Variants in LOXL2 observed in about 807,000 individuals in gnomAD.
LOXL2 encodes lysyl oxidase homolog 2.
LOXL2 carries 70 observed loss-of-function variants against 93.0 expected under a neutral mutation model. The observed-to-expected ratio is 0.75, with a 90% confidence interval of 0.62 to 0.92. LOXL2 has a LOEUF of 0.92. LOXL2 is among the 40% of genes least tolerant of loss of function. The pLI is 0.00. For synonymous variants in LOXL2, 438 were observed against 413.2 expected (o/e 1.06, Z -0.73); for missense variants, 973 against 1,054.9 (o/e 0.92, Z 1.08).
intron 1 of LOXL2, chr8:23,370,543 A>T (rs563703732): frequency 6.6e-6 from 1 of 152,280 alleles, no homozygotes; most frequent in Admixed American, 6.5e-5. Flanking sequence ...GTAAAATATT[A>T]AAAACATATG....
At position 23,333,519 on chromosome 8, in the gene LOXL2, A is replaced by G. The variant is rs761873882; in HGVS notation, c.848T>C (p.Leu283Pro). 12 of 1,613,916 alleles carry G rather than the reference A, an allele frequency of 7.4e-6. No individual in the cohort carries two copies. The highest frequency in any genetic ancestry group is 9.3e-6 in the Non-Finnish European group (11 of 1,180,040). Residue 283 changes from leucine to proline, a missense_variant, in exon 5 of 14, where the codon CTG (leucine) becomes CCG (proline). Transcript: ENST00000389131. Reference sequence around the variant, plus strand: ...GCAGGTGACATTCTTCATGGGGTCCAGTGACACCTGGGGGCCCAGCTTGCA... The same window carrying G: ...GCAGGTGACATTCTTCATGGGGTCCGGTGACACCTGGGGGCCCAGCTTGCA... ...SSCKLGPQVS[L>P]DPMKNVTCEN...
chr8:23,389,391 G>A (rs1325115169), intron 1 of LOXL2, among the ~76,000 whole-genome samples: 1 of 152,156 alleles, frequency 6.6e-6, no homozygotes, highest in Non-Finnish European at 1.5e-5. Flanking sequence ...AAGGCATTCT[G>A]TGTTATAGAA....
rs938427169 is a variant in LOXL2, at chr8:23,371,925, C to T, written c.-83-3491G>A. Among the ~76,000 whole-genome samples, 3 of 151,838 alleles carry T rather than the reference C, an allele frequency of 2.0e-5. No homozygotes were observed. The East Asian group carries it at 5.8e-4, about 29-fold the overall frequency. Reference sequence around the variant, plus strand: ...AAGTCTAATAAATGCATGTTGTAATCTTTATAGGAATCATTGTAAGAACCA... The same window carrying T: ...AAGTCTAATAAATGCATGTTGTAATTTTTATAGGAATCATTGTAAGAACCA... On this transcript the variant is annotated intron_variant, in intron 1 of 13. Transcript: ENST00000389131.
rs117942474 is a variant in LOXL2, at chr8:23,339,333, C to T, written c.743+1659G>A. ...TCCTGCAGACAGCACCACCCACCACCCCCTCCTTGGATCGCTCTCAGCCTT... is the reference window on the plus strand; with the variant it reads ...TCCTGCAGACAGCACCACCCACCACTCCCTCCTTGGATCGCTCTCAGCCTT... On this transcript the variant is annotated intron_variant, in intron 4 of 13. Coordinates refer to ENST00000389131, the MANE Select transcript of LOXL2 (RefSeq NM_002318.3). Among the ~76,000 whole-genome samples, 570 of 152,314 alleles carry T rather than the reference C, an allele frequency of 3.7e-3. 2 individuals are homozygous for T. The highest frequency in any genetic ancestry group is 5.7e-3 in the Non-Finnish European group (391 of 68,034).
intron 1 of LOXL2, among the ~76,000 whole-genome samples, chr8:23,385,088 T>G (rs1804739038): frequency 6.6e-6 from 1 of 152,130 alleles, no homozygotes; most frequent in Non-Finnish European, 1.5e-5. Flanking sequence ...TATAAAGACT[T>G]TCCTATTCTC....
At chr8:23,328,931 TC>T (rs1405386442) in intron 5 of LOXL2, 1 of 201,052 alleles carries the variant, frequency 5.0e-6, no homozygotes, top group Non-Finnish European at 1.0e-5. Flanking sequence ...CCCCACCAAC[TC>T]CAGAGCCTCA....
intron 1 of LOXL2, among the ~76,000 whole-genome samples, chr8:23,402,168 A>G (rs554568041): frequency 6.6e-6 from 1 of 152,218 alleles, no homozygotes; most frequent in South Asian, 2.1e-4. Context: ...ATGCACACAC[A>G]TTGCGTGCAC....
intron 4 of LOXL2, among the ~76,000 whole-genome samples, chr8:23,339,346 C>G (rs1209675383): frequency 6.6e-6 from 1 of 152,208 alleles, no homozygotes; most frequent in African/African-American, 2.4e-5. Context: ...CTCCTTGGAT[C>G]GCTCTCAGCC....
chr8:23,374,779 C>A (rs370934025), intron 1 of LOXL2, among the ~76,000 whole-genome samples: 1 of 152,194 alleles, frequency 6.6e-6, no homozygotes, highest in Non-Finnish European at 1.5e-5. Context: ...TATCCTTCAC[C>A]TACTTTTTGA....
At chr8:23,318,847 C>T (rs569129112) in intron 8 of LOXL2, among the ~76,000 whole-genome samples, 5 of 152,320 alleles carry the variant, frequency 3.3e-5, no homozygotes, top group East Asian at 3.9e-4. Flanking sequence ...TTCTGGATGC[C>T]GGAATGAGGA....
chr8:23,326,832 C>T (rs140447506), intron 6 of LOXL2, among the ~76,000 whole-genome samples: 1 of 152,276 alleles, frequency 6.6e-6, no homozygotes, highest in Non-Finnish European at 1.5e-5. Flanking sequence ...TGCCAGGTGG[C>T]ATGATGTGAC....
chr8:23,335,744 C>A (rs564176757), intron 4 of LOXL2, among the ~76,000 whole-genome samples: 1 of 152,084 alleles, frequency 6.6e-6, no homozygotes, highest in Non-Finnish European at 1.5e-5. Flanking sequence ...AGGGCAGAGG[C>A]GAGGTCCCAT....
At chr8:23,374,056 C>T (rs1020264769) in intron 1 of LOXL2, among the ~76,000 whole-genome samples, 7 of 151,930 alleles carry the variant, frequency 4.6e-5, no homozygotes, top group African/African-American at 7.3e-5. Flanking sequence ...CCCGTTTACT[C>T]GTCATTTACA....
chr8:23,303,240 A>G (rs764981820), intron 11 of LOXL2, 42 bp downstream of exon 11: 2 of 1,235,830 alleles, frequency 1.6e-6, no homozygotes, highest in African/African-American at 3.0e-5. Context: ...GAGGCATTCG[A>G]GTCCCTCTGA....
rs1007866124 is a variant in LOXL2 at position 23,344,561 on chromosome 8, GTGTGTGTCTCTGGGAT to G, written c.532-3374_532-3359del. ...TATGAGCCCCTGTATATGTCTCTGT[GTGTGTGTCTCTGGGAT>G]TGTGTGTCTCTGGGATTGTGTGTCT... On this transcript the variant is annotated intron_variant, in intron 3 of 13. Transcript: ENST00000389131. 7.6e-4 allele frequency among the ~76,000 whole-genome samples: 115 copies of G among 152,082 alleles called. 1 individual carries two copies. The South Asian group carries it at 0.012, about 16-fold the overall frequency.
rs767501288 is a variant in LOXL2 at position 23,303,404 on chromosome 8, CGA to C, written c.1881-9_1881-8del. On this transcript the variant is annotated splice_polypyrimidine_tract_variant and splice_region_variant and intron_variant, in intron 10 of 13. Transcript: ENST00000389131. ...CTCCATGCTGTGGTAGTGCCTGGAG[CGA>C]GAGAGAGATGGCCTGGAGGTCAGTT... The C allele has an allele frequency of 3.8e-5, 58 of 1,536,680 alleles. No individual in the cohort carries two copies. Among genetic ancestry groups the C allele is most frequent in the African/African-American group, 8.2e-5 (6 of 73,354 alleles).
intron 1 of LOXL2, among the ~76,000 whole-genome samples, chr8:23,377,440 T>C: frequency 6.8e-6 from 1 of 146,520 alleles, no homozygotes; most frequent in African/African-American, 2.5e-5. Flanking sequence ...GAGAGTTCTG[T>C]AGATGTCTAT....
In LOXL2 at chr8:23,341,585, A is replaced by G. The variant is rs999768109; in HGVS notation, c.532-382T>C. 6.5e-5 allele frequency: 20 copies of G among 305,974 alleles called. No homozygotes were observed. The Admixed American group carries it at 8.4e-4, about 13-fold the overall frequency. 19.0% of individuals were successfully genotyped at this position (305,974 alleles called of 1,614,324 possible). On this transcript the variant is annotated intron_variant, in intron 3 of 13. Transcript: ENST00000389131. The stretch of plus-strand genomic sequence containing the variant: ...GAGAGAAAGTGTTCTTTGAATGCGG[A>G]TTTTGCATTTCACTCCAAAGTATGT...
intron 1 of LOXL2, among the ~76,000 whole-genome samples, chr8:23,377,489 A>G (rs1804611926): frequency 8.1e-6 from 1 of 124,122 alleles, no homozygotes. Context: ...AATCCTGGAT[A>G]TCCTTGTTAA....
Sources: gnomAD v4.1 joint callset for allele counts (sites outside exome capture counted in the v4.1 genomes callset) on GRCh38, gnomAD v4.1.1 for gene constraint, MANE v1.5 for transcripts, NCBI Gene and HGNC (gene_info 2026-07-23, HGNC 2026-07-21) for gene names.